Variants in ZBTB46 observed in about 807,000 individuals in gnomAD.
The protein encoded by ZBTB46 is zinc finger and BTB domain-containing protein 46.
In ZBTB46, 8 loss-of-function variants were observed where a neutral mutation model predicts 44.1. That is an observed-to-expected ratio of 0.18 (90% CI 0.11 to 0.33). The LOEUF (loss-of-function observed/expected upper bound fraction) is 0.33. Ranked by LOEUF, ZBTB46 falls within the 10% of genes least tolerant of loss-of-function variation. The pLI, the probability that ZBTB46 is intolerant of heterozygous loss-of-function variation, is 1.00. For synonymous variants in ZBTB46, 409 were observed against 382.3 expected (o/e 1.07, Z -0.81); for missense variants, 651 against 847.7 (o/e 0.77, Z 2.88).
At position 63,778,543 on chromosome 20, in the gene ZBTB46, C is replaced by G. The variant is rs1315191453; in HGVS notation, c.938-2581G>C. ...TGGAACAAACATGCACACGTGAGGCCCAGCAGCTGAGAGCTGGGTGTGGCA... is the reference window on the plus strand; with the variant it reads ...TGGAACAAACATGCACACGTGAGGCGCAGCAGCTGAGAGCTGGGTGTGGCA... On this transcript the variant is annotated intron_variant, in intron 2 of 4. Coordinates refer to ENST00000245663, the MANE Select transcript of ZBTB46 (RefSeq NM_001369741.1). Among the ~76,000 whole-genome samples the G allele has an allele frequency of 2.6e-5, 4 of 152,150 alleles. No homozygotes were observed. In the South Asian group the frequency reaches 6.2e-4, roughly 24 times the overall value.
rs536743874 is a variant in ZBTB46 at position 63,789,685 on chromosome 20, C to A, written c.937+136G>T. On this transcript the variant is annotated intron_variant, in intron 2 of 4. Coordinates refer to ENST00000245663, the MANE Select transcript of ZBTB46 (RefSeq NM_001369741.1). The stretch of plus-strand genomic sequence containing the variant: ...GCTGCATTCCCAGCGGTCACGACAA[C>A]CTCCTGTAAGAGGAAGTGACCCTAG... 17 of 1,435,866 alleles carry A rather than the reference C, an allele frequency of 1.2e-5. No homozygotes were observed. The South Asian group carries it at 2.1e-4, about 18-fold the overall frequency. The allele number at this position is 1,435,866 out of a possible 1,614,324, so 88.9% of individuals were successfully genotyped here.
At chr20:63,778,367 C>A (rs951347216) in intron 2 of ZBTB46, among the ~76,000 whole-genome samples, 4 of 152,156 alleles carry the variant, frequency 2.6e-5, no homozygotes, top group African/African-American at 9.7e-5. Flanking sequence ...ACACGCTGAG[C>A]GATGATGATT....
At chr20:63,808,737 G>C (rs1245561271) in intron 1 of ZBTB46, among the ~76,000 whole-genome samples, 1 of 152,100 alleles carries the variant, frequency 6.6e-6, no homozygotes, top group Non-Finnish European at 1.5e-5. Context: ...CACTTTGGGA[G>C]GCCGAGGCGG....
rs542771317 is a variant in ZBTB46, at chr20:63,750,171, C to T, written c.1398+2515G>A. ...TGTCTCACACTCGGGTCTCCACGCT[C>T]TCAGGTCCAGGACCCCAGAGAAGGC... On this transcript the variant is annotated intron_variant, in intron 4 of 4. Transcript: ENST00000245663. Among the ~76,000 whole-genome samples, 3 of 152,362 alleles carry T rather than the reference C, an allele frequency of 2.0e-5. No individual in the cohort carries two copies. The South Asian group carries it at 6.2e-4, about 32-fold the overall frequency.
intron 1 of ZBTB46, among the ~76,000 whole-genome samples, chr20:63,820,383 G>C (rs1437894759): frequency 6.6e-6 from 1 of 151,352 alleles, no homozygotes; most frequent in Non-Finnish European, 1.5e-5. Flanking sequence ...ACAGGCATGA[G>C]ACACCGCGCC....
chr20:63,772,724 C>A (rs976503924), intron 3 of ZBTB46, among the ~76,000 whole-genome samples: 2 of 9,310 alleles, frequency 2.1e-4, no homozygotes, highest in Non-Finnish European at 4.2e-4. Context: ...GTCTCAAAAA[C>A]ACACACACAC....
rs1237305957 is a variant in ZBTB46, at chr20:63,745,276, A to AG, written c.*1653dup. 6.6e-6 allele frequency: 1 copy of AG among 152,200 alleles called. No homozygotes were observed. The highest frequency in any genetic ancestry group is 1.5e-5 in the Non-Finnish European group (1 of 68,034). The allele number at this position is 152,200 out of a possible 1,614,324, so 9.4% of individuals were successfully genotyped here. Reference sequence around the variant, plus strand: ...TGAGGAGCCCACAGCCTCCGAGCTGAGGGGTGTGTGTGATGACAGCTCCAG... The same window carrying AG: ...TGAGGAGCCCACAGCCTCCGAGCTGAGGGGGTGTGTGTGATGACAGCTCCAG... On this transcript the variant is annotated 3_prime_UTR_variant, in exon 5 of 5. Transcript: ENST00000245663.
At chr20:63,809,434 GGAGCCCT>G (rs1236293848) in intron 1 of ZBTB46, among the ~76,000 whole-genome samples, 1 of 152,206 alleles carries the variant, frequency 6.6e-6, no homozygotes, top group Non-Finnish European at 1.5e-5. Context: ...GGAGCTCACA[GGAGCCCT>G]GAGCCCAGAA....
intron 1 of ZBTB46, among the ~76,000 whole-genome samples, chr20:63,809,101 T>TCTCCACGTTCGCC (rs1442981735): frequency 6.6e-6 from 1 of 150,570 alleles, no homozygotes; most frequent in Admixed American, 6.6e-5. Context: ...CTCAAGGGGC[T>TCTCCACGTTCGCC]CTCCACGTTC....
At chr20:63,799,011 T>A (rs1012708634) in intron 1 of ZBTB46, among the ~76,000 whole-genome samples, 3 of 151,996 alleles carry the variant, frequency 2.0e-5, no homozygotes, top group Non-Finnish European at 2.9e-5. Context: ...CTCTAAGAAC[T>A]GCTCTCCACA....
chr20:63,772,433 A>G (rs2092382645), intron 3 of ZBTB46, among the ~76,000 whole-genome samples: 1 of 152,048 alleles, frequency 6.6e-6, no homozygotes, highest in Non-Finnish European at 1.5e-5. Context: ...ACTGAGTGAG[A>G]TGGGGCCAGG....
Position 63,815,944 on chromosome 20 carries a change from A to ACAGTGGGCACAGGTGGGCACAGGTG in ZBTB46, c.-34+15152_-34+15153insCACCTGTGCCCACCTGTGCCCACTG, listed in dbSNP as rs1491384774. Among the ~76,000 whole-genome samples, 333 of 93,392 alleles carry ACAGTGGGCACAGGTGGGCACAGGTG rather than the reference A, an allele frequency of 3.6e-3. 2 individuals are homozygous for ACAGTGGGCACAGGTGGGCACAGGTG. Among genetic ancestry groups the ACAGTGGGCACAGGTGGGCACAGGTG allele is most frequent in the African/African-American group, 0.014 (301 of 21,006 alleles). 61.3% of individuals were successfully genotyped at this position (93,392 alleles called of 152,430 possible). ...GGGCACAGGTGCAGTGGGTGCAGGT[A>ACAGTGGGCACAGGTGGGCACAGGTG]CAGTGGGCACAGGTGCAGTGGGTGC... On this transcript the variant is annotated intron_variant, in intron 1 of 4. Transcript: ENST00000245663.
chr20:63,797,688 C>T (rs1199547347), intron 1 of ZBTB46, among the ~76,000 whole-genome samples: 3 of 152,168 alleles, frequency 2.0e-5, no homozygotes, highest in African/African-American at 4.8e-5. Context: ...TTTTAATGAT[C>T]ACCATTCTAA....
chr20:63,778,319 T>C (rs1314836368), intron 2 of ZBTB46, among the ~76,000 whole-genome samples: 1 of 152,226 alleles, frequency 6.6e-6, no homozygotes, highest in Non-Finnish European at 1.5e-5. Context: ...ACCCTCCCTC[T>C]AGTGGGGCTG....
At chr20:63,804,170 C>T (rs1176838056) in intron 1 of ZBTB46, among the ~76,000 whole-genome samples, 1 of 152,154 alleles carries the variant, frequency 6.6e-6, no homozygotes, top group Non-Finnish European at 1.5e-5. Context: ...CAGCTCCAGG[C>T]CTCAGCATCC....
Position 63,830,367 on chromosome 20 carries a change from C to T in ZBTB46, c.-34+730G>A, listed in dbSNP as rs927635893. Among the ~76,000 whole-genome samples the T allele has an allele frequency of 2.6e-5, 4 of 151,908 alleles. No homozygotes were observed. The East Asian group carries it at 7.8e-4, about 29-fold the overall frequency. On this transcript the variant is annotated intron_variant, in intron 1 of 4. Coordinates refer to ENST00000245663, the MANE Select transcript of ZBTB46 (RefSeq NM_001369741.1). Reference sequence around the variant, plus strand: ...AGAGAAACAAAGACGCGGCTCGCAGCGGACCCCGCTTCCTCCGCGCGCCCC... The same window carrying T: ...AGAGAAACAAAGACGCGGCTCGCAGTGGACCCCGCTTCCTCCGCGCGCCCC...
At chr20:63,796,320 C>G (rs1302825419) in intron 1 of ZBTB46, among the ~76,000 whole-genome samples, 1 of 152,232 alleles carries the variant, frequency 6.6e-6, no homozygotes, top group Non-Finnish European at 1.5e-5. Context: ...CGGGTGCCCC[C>G]TGCTGGCAGC....
intron 4 of ZBTB46, among the ~76,000 whole-genome samples, chr20:63,751,451 C>T (rs1409662007): frequency 1.3e-5 from 2 of 152,166 alleles, no homozygotes; most frequent in Admixed American, 6.5e-5. Context: ...TGGCCCTTCG[C>T]CCACAGCCGG....
intron 1 of ZBTB46, among the ~76,000 whole-genome samples, chr20:63,826,854 C>A (rs1010219615): frequency 2.6e-5 from 4 of 152,256 alleles, no homozygotes; most frequent in African/African-American, 4.8e-5. Context: ...TGCCTACCCC[C>A]ACAGCTGACC....
Sources: gnomAD v4.1 joint callset for allele counts (sites outside exome capture counted in the v4.1 genomes callset) on GRCh38, gnomAD v4.1.1 for gene constraint, MANE v1.5 for transcripts, NCBI Gene and HGNC (gene_info 2026-07-23, HGNC 2026-07-21) for gene names.